Variants in XKR9 observed in about 807,000 individuals in gnomAD.
The protein encoded by XKR9 is XK-related protein 9.
Under a neutral mutation model 32.0 loss-of-function variants are expected in XKR9, and 32 were observed. The observed-to-expected ratio is 1.00, with a 90% confidence interval of 0.76 to 1.34. The LOEUF is 1.34. Ranked by LOEUF, XKR9 falls within the 40% of genes most tolerant of loss-of-function variation. XKR9 has a pLI of 0.00. For synonymous variants in XKR9, 168 were observed against 143.4 expected (o/e 1.17, Z -1.22); for missense variants, 546 against 429.7 (o/e 1.27, Z -2.39).
At chr8:71,055,998 G>A in the XKR9 span, among the ~76,000 whole-genome samples, 1 of 152,106 alleles carries the variant, frequency 6.6e-6, no homozygotes, top group African/African-American at 2.4e-5. Context: ...TTCTAGGAGT[G>A]CATTTGACAC....
chr8:70,935,101 G>GTATA, the XKR9 span, among the ~76,000 whole-genome samples: 3,600 of 138,914 alleles, frequency 0.026, 100 homozygotes, highest in African/African-American at 0.072. Flanking sequence ...TGTTTCTTCA[G>GTATA]TATATATATA....
chr8:70,702,146 G>A (rs1239032347), intron 3 of XKR9, among the ~76,000 whole-genome samples: 2 of 152,094 alleles, frequency 1.3e-5, no homozygotes, highest in African/African-American at 4.8e-5. Flanking sequence ...GCCTTAGAGA[G>A]AGGTCATGTA....
chr8:70,985,203 C>T, the XKR9 span, among the ~76,000 whole-genome samples: 1 of 152,158 alleles, frequency 6.6e-6, no homozygotes, highest in Non-Finnish European at 1.5e-5. Context: ...ATGTTCCCCT[C>T]CTTGTGTCCA....
chr8:70,997,410 A>AT, the XKR9 span, among the ~76,000 whole-genome samples: 4 of 152,334 alleles, frequency 2.6e-5, no homozygotes, highest in East Asian at 3.9e-4. Flanking sequence ...TATTAAACAT[A>AT]TTTTTATGTT....
chr8:70,765,045 A>G (rs1376480154), intron 2 of XKR9, among the ~76,000 whole-genome samples: 3 of 152,204 alleles, frequency 2.0e-5, no homozygotes, highest in Admixed American at 6.5e-5. Context: ...TAGTGCTGCA[A>G]TAAACATACA....
At chr8:71,028,324 T>C in the XKR9 span, among the ~76,000 whole-genome samples, 216 of 152,334 alleles carry the variant, frequency 1.4e-3, 1 homozygote, top group African/African-American at 5.0e-3. Flanking sequence ...TTTGTTGCTA[T>C]TGTAAATGGA....
the XKR9 span, among the ~76,000 whole-genome samples, chr8:70,937,303 C>T: frequency 6.6e-6 from 1 of 152,012 alleles, no homozygotes; most frequent in Non-Finnish European, 1.5e-5. Context: ...TTATTAGTCA[C>T]ATACTAGGCA....
the XKR9 span, among the ~76,000 whole-genome samples, chr8:70,874,340 AT>A: frequency 6.6e-6 from 1 of 152,168 alleles, no homozygotes; most frequent in South Asian, 2.1e-4. Flanking sequence ...GATTTTCTGT[AT>A]TGATGAAGAA....
rs571900655 is a variant in XKR9 at position 70,728,769 on chromosome 8, A to G, written c.494-5027A>G. Among the ~76,000 whole-genome samples the G allele has an allele frequency of 7.2e-5, 11 of 152,318 alleles. No individual in the cohort carries two copies. The South Asian group carries it at 8.3e-4, about 11-fold the overall frequency. ...CAAAATGAACTTTAGTCTTATTGTA[A>G]TTGGCCTAATTATTGCATACGGTGC... On this transcript the variant is annotated intron_variant, in intron 4 of 4. Transcript: ENST00000408926.
At chr8:70,806,575 G>A in the XKR9 span, among the ~76,000 whole-genome samples, 6 of 152,150 alleles carry the variant, frequency 3.9e-5, no homozygotes, top group African/African-American at 4.8e-5. Context: ...GAACATAAAT[G>A]ACCTCATGGA....
At chr8:70,729,578 C>A (rs1300161273) in intron 4 of XKR9, among the ~76,000 whole-genome samples, 3 of 151,882 alleles carry the variant, frequency 2.0e-5, no homozygotes, top group Non-Finnish European at 2.9e-5. Context: ...TAGGAAACCA[C>A]CATTTAAAGA....
chr8:70,761,494 G>C (rs578189087), intron 2 of XKR9, among the ~76,000 whole-genome samples: 100 of 151,900 alleles, frequency 6.6e-4, no homozygotes, highest in Admixed American at 3.1e-3. Context: ...ATTGTTGTTC[G>C]CACGTGTCTT....
At chr8:70,977,180 C>T in the XKR9 span, among the ~76,000 whole-genome samples, 1 of 151,896 alleles carries the variant, frequency 6.6e-6, no homozygotes, top group South Asian at 2.1e-4. Context: ...TGGTTCTTTT[C>T]AAAAAACCAG....
At chr8:70,756,587 A>G (rs1807229683) in intron 2 of XKR9, among the ~76,000 whole-genome samples, 1 of 152,182 alleles carries the variant, frequency 6.6e-6, no homozygotes, top group Non-Finnish European at 1.5e-5. Flanking sequence ...CTTCTGTTAA[A>G]TTTATTACTA....
At chr8:70,843,452 T>A in the XKR9 span, among the ~76,000 whole-genome samples, 2 of 152,196 alleles carry the variant, frequency 1.3e-5, no homozygotes, top group Non-Finnish European at 2.9e-5. Flanking sequence ...AGAGAGGGGC[T>A]TAAAGATGGC....
chr8:71,052,246 T>C, the XKR9 span, among the ~76,000 whole-genome samples: 2,375 of 152,298 alleles, frequency 0.016, 52 homozygotes, highest in African/African-American at 0.055. Context: ...TCTTAATATG[T>C]CAGCAGTTAG....
At chr8:70,718,164 A>G (rs12550503) in intron 4 of XKR9, among the ~76,000 whole-genome samples, 16,573 of 152,122 alleles carry the variant, frequency 0.11, 1,446 homozygotes, top group Admixed American at 0.28. Flanking sequence ...GGAAGTGTCA[A>G]ACTATCCCAC....
chr8:70,998,665 A>G, the XKR9 span, among the ~76,000 whole-genome samples: 5 of 152,196 alleles, frequency 3.3e-5, no homozygotes, highest in Admixed American at 1.3e-4. Flanking sequence ...AGCTTGTTCA[A>G]TACAGATTCC....
At chr8:70,830,479 C>T in the XKR9 span, among the ~76,000 whole-genome samples, 49 of 151,746 alleles carry the variant, frequency 3.2e-4, no homozygotes, top group African/African-American at 8.7e-4. Flanking sequence ...CCCAGCTACT[C>T]GGGAGGCTGA....
Sources: gnomAD v4.1 joint callset for allele counts (sites outside exome capture counted in the v4.1 genomes callset) on GRCh38, gnomAD v4.1.1 for gene constraint, MANE v1.5 for transcripts, NCBI Gene and HGNC (gene_info 2026-07-23, HGNC 2026-07-21) for gene names.